The following PEAK1 variants were observed in gnomAD, a reference collection of about 807,000 sequenced individuals.
PEAK1 encodes the protein inactive tyrosine-protein kinase PEAK1.
A neutral mutation model predicts 124.7 loss-of-function variants in PEAK1; 54 were observed. The ratio of observed to expected loss-of-function variants is 0.43; its 90% CI spans 0.35 to 0.54. PEAK1 has a LOEUF of 0.54. Ranked by LOEUF, PEAK1 falls within the 20% of genes least tolerant of loss-of-function variation. The probability of loss-of-function intolerance (pLI) is 0.01; values close to 1 mark genes in which losing one functional copy is unlikely to be tolerated. For missense variants in PEAK1, 2,046 were observed against 2,134.5 expected, an observed-to-expected ratio of 0.96 and a Z score of 0.82; for synonymous variants, 719 against 760.0, an observed-to-expected ratio of 0.95 and a Z score of 0.89.
chr15:77,141,687 G>A (rs2053799308), intron 8 of PEAK1, among the ~76,000 whole-genome samples: 1 of 152,146 alleles, frequency 6.6e-6, no homozygotes, highest in Admixed American at 6.5e-5. Flanking sequence ...AAATATAGAT[G>A]AATGAAATAT....
intron 1 of PEAK1, chr15:77,370,759 C>T (rs947450134): frequency 6.1e-6 from 6 of 983,574 alleles, no homozygotes; most frequent in Admixed American, 6.2e-5. Context: ...GAGCCAGGCA[C>T]GGTGACTCAT....
intron 2 of PEAK1, among the ~76,000 whole-genome samples, chr15:77,313,070 G>A (rs2064578641): frequency 6.6e-6 from 1 of 152,124 alleles, no homozygotes; most frequent in Non-Finnish European, 1.5e-5. Context: ...TCTAATAAAA[G>A]GAAGGCTCTT....
intron 7 of PEAK1, among the ~76,000 whole-genome samples, chr15:77,175,661 T>G (rs990118934): frequency 1.1e-4 from 17 of 152,184 alleles, no homozygotes; most frequent in African/African-American, 3.6e-4. Context: ...GGTGGGACTG[T>G]AAACTAGTTC....
rs759458173 is a variant in PEAK1, at chr15:77,148,903, T to C, written c.3331+9600A>G. On this transcript the variant is annotated intron_variant, in intron 8 of 9. Coordinates refer to ENST00000682557, the MANE Select transcript of PEAK1 (RefSeq NM_001385026.1). ...CGCCACTGCACTCCAGCATGGGCGA[T>C]AGAGCAAGACCCTGTCGCTAAGAAA... Among the ~76,000 whole-genome samples the C allele has an allele frequency of 9.2e-5, 14 of 152,282 alleles. No homozygotes were observed. The East Asian group carries it at 9.6e-4, about 10-fold the overall frequency.
Position 77,397,377 on chromosome 15 carries a change from A to G in PEAK1, c.-666+22629T>C, listed in dbSNP as rs79979015. Among the ~76,000 whole-genome samples, 222 of 152,276 alleles carry G rather than the reference A, an allele frequency of 1.5e-3. 6 individuals carry two copies. In the East Asian group the frequency reaches 0.029, roughly 20 times the overall value. On this transcript the variant is annotated intron_variant, in intron 1 of 9. Coordinates refer to ENST00000682557, the MANE Select transcript of PEAK1 (RefSeq NM_001385026.1). The stretch of plus-strand genomic sequence containing the variant: ...AACAACAGAAAAATTTCAAATCAGC[A>G]AGCTAACAATGCAACTTAAAGAACT...
intron 6 of PEAK1, among the ~76,000 whole-genome samples, chr15:77,189,435 C>A (rs1426864234): frequency 1.4e-5 from 2 of 141,638 alleles, no homozygotes; most frequent in East Asian, 3.9e-4. Context: ...GAAAGACAGT[C>A]CACACAGCAG....
intron 6 of PEAK1, 117 bp downstream of exon 6, chr15:77,252,250 G>T: frequency 5.4e-6 from 3 of 552,874 alleles, no homozygotes; most frequent in South Asian, 8.0e-5. Context: ...GTTATAAAAT[G>T]TTCAGCTTTA....
chr15:77,337,325 T>C, intron 2 of PEAK1: 1 of 977,908 alleles, frequency 1.0e-6, no homozygotes, highest in South Asian at 4.7e-5. Context: ...TGGTATTTCA[T>C]TTATTTGAGA....
chr15:77,158,218 T>A, intron 8 of PEAK1: 1 of 339,686 alleles, frequency 2.9e-6, no homozygotes, highest in East Asian at 5.2e-5. Context: ...TGTATTTATA[T>A]TACACTGAAA....
intron 1 of PEAK1, chr15:77,370,943 T>A (rs1252979171): frequency 2.1e-6 from 1 of 466,212 alleles, no homozygotes; most frequent in Non-Finnish European, 2.8e-6. Context: ...GGTAGGAGAA[T>A]CGCTTGAACC....
Position 77,109,957 on chromosome 15 carries a change from T to A in PEAK1, c.*4199A>T, listed in dbSNP as rs1193350435. On this transcript the variant is annotated 3_prime_UTR_variant, in exon 10 of 10. Coordinates refer to ENST00000682557, the MANE Select transcript of PEAK1 (RefSeq NM_001385026.1). ...CTGTACTTTTTCAGATCACTGCTGG[T>A]AAAATCTAGAAGAAATCCTAATTGC... 1.3e-5 allele frequency: 2 copies of A among 152,220 alleles called. No homozygotes were observed. Among genetic ancestry groups the A allele is most frequent in the African/African-American group, 2.4e-5 (1 of 41,440 alleles). The allele number at this position is 152,220 out of a possible 1,614,324, so 9.4% of individuals were successfully genotyped here. A position where few individuals can be genotyped will look rare whatever the true frequency, so the allele number is the denominator to read the frequency against.
chr15:77,226,044 G>GATATATATATAT (rs1157824212), intron 6 of PEAK1, among the ~76,000 whole-genome samples: 73 of 44,936 alleles, frequency 1.6e-3, no homozygotes, highest in Admixed American at 3.8e-3. Context: ...AAAATAAAGG[G>GATATATATATAT]ATATATATAT....
chr15:77,302,628 T>C (rs1397190509), intron 2 of PEAK1, among the ~76,000 whole-genome samples: 1 of 152,194 alleles, frequency 6.6e-6, no homozygotes, highest in Non-Finnish European at 1.5e-5. Context: ...TAAACAGTCA[T>C]ACAGATGCCA....
intron 9 of PEAK1, among the ~76,000 whole-genome samples, chr15:77,128,083 A>C (rs75889003): frequency 6.7e-6 from 1 of 148,482 alleles, no homozygotes; most frequent in Admixed American, 6.7e-5. Context: ...CATCTCAAGA[A>C]AAAAAAAAAA....
intron 1 of PEAK1, among the ~76,000 whole-genome samples, chr15:77,414,200 TTTCC>T (rs2072670294): frequency 6.8e-6 from 1 of 147,854 alleles, no homozygotes; most frequent in Non-Finnish European, 1.5e-5. Context: ...TCCTTCCTTC[TTTCC>T]TTCTTTTTTT....
At chr15:77,332,172 T>C (rs2065928648) in intron 2 of PEAK1, 1 of 966,784 alleles carries the variant, frequency 1.0e-6, no homozygotes, top group South Asian at 4.8e-5. Flanking sequence ...AGAGAATAGC[T>C]AGTAATATAA....
intron 6 of PEAK1, among the ~76,000 whole-genome samples, chr15:77,209,530 T>C (rs1482849121): frequency 2.0e-5 from 3 of 152,174 alleles, no homozygotes; most frequent in Non-Finnish European, 2.9e-5. Flanking sequence ...GTTATGGAAG[T>C]ATGATACAGC....
rs2056622210 is a variant in PEAK1, at chr15:77,173,117, C to CA, written c.3137+5672dup. Among the ~76,000 whole-genome samples the CA allele has an allele frequency of 4.6e-5, 7 of 152,098 alleles. 1 individual carries two copies. The South Asian group carries it at 1.5e-3, about 32-fold the overall frequency. On this transcript the variant is annotated intron_variant, in intron 7 of 9. Coordinates refer to ENST00000682557, the MANE Select transcript of PEAK1 (RefSeq NM_001385026.1). ...ACAACAACAACAAACTCTCCTAGTA[C>CA]AATATGGTGCCATGGCTTTGATTTA...
intron 2 of PEAK1, among the ~76,000 whole-genome samples, chr15:77,313,167 T>C (rs554581272): frequency 1.2e-3 from 179 of 152,218 alleles, no homozygotes; most frequent in Non-Finnish European, 2.1e-3. Context: ...ATTTTTTAAA[T>C]GCTTAAATAC....
Sources: allele counts gnomAD v4.1 joint callset (sites outside exome capture counted in the v4.1 genomes callset), GRCh38; gene constraint gnomAD v4.1.1; transcripts MANE v1.5; gene names NCBI Gene and HGNC (gene_info 2026-07-23, HGNC 2026-07-21).